Variants in NEBL observed in about 807,000 individuals in gnomAD.
NEBL encodes LIM and SH3 protein 2.
In NEBL, 122 loss-of-function variants were observed where a neutral mutation model predicts 140.2. The observed-to-expected ratio is 0.87, with a 90% CI of 0.75 to 1.01. The LOEUF is 1.01. Ranked by LOEUF, NEBL falls within the 50% of genes least tolerant of loss-of-function variation. NEBL has a pLI of 0.00. For missense variants in NEBL, 1,365 were observed against 1,231.3 expected, an observed-to-expected ratio of 1.11 and a Z score of -1.62; for synonymous variants, 436 against 398.9, an observed-to-expected ratio of 1.09 and a Z score of -1.11.
chr10:21,003,358 C>T (rs902007350), intron 3 of NEBL, among the ~76,000 whole-genome samples: 2 of 152,202 alleles, frequency 1.3e-5, no homozygotes, highest in Non-Finnish European at 2.9e-5. Context: ...TGTTTCTGTT[C>T]CATTGTCTCC....
At position 20,924,348 on chromosome 10, in the gene NEBL, A is replaced by G. The variant is rs1564445537; in HGVS notation, c.357+37324T>C. On this transcript the variant is annotated intron_variant, in intron 4 of 6. Coordinates refer to the NEBL transcript ENST00000417816. The stretch of plus-strand genomic sequence containing the variant: ...TACAGTACCTATCTGCTTTGTATCC[A>G]CACCTTAAGTTACCGATTTGACAGA... 2.1e-5 allele frequency among the ~76,000 whole-genome samples: 3 copies of G among 142,544 alleles called. No individual in the cohort carries two copies. The South Asian group carries it at 6.6e-4, about 31-fold the overall frequency. 93.5% of individuals were successfully genotyped at this position (142,544 alleles called of 152,430 possible). A position where few individuals can be genotyped will look rare whatever the true frequency, so the allele number is the denominator to read the frequency against.
At chr10:20,860,872 G>T (rs924181858) in intron 7 of NEBL, among the ~76,000 whole-genome samples, 1 of 151,990 alleles carries the variant, frequency 6.6e-6, no homozygotes, top group Admixed American at 6.6e-5. Flanking sequence ...CACATGTTTG[G>T]AACCTATTAG....
intron 3 of NEBL, among the ~76,000 whole-genome samples, chr10:21,226,946 C>T (rs1465861745): frequency 6.6e-6 from 1 of 152,058 alleles, no homozygotes; most frequent in Non-Finnish European, 1.5e-5. Flanking sequence ...GCCATCTTGT[C>T]CACCTCCCCA....
At chr10:20,852,493 TGGTTACGGGTTGCTGGCAGGGAG>T in intron 10 of NEBL, 29 bp downstream of exon 10, 1 of 1,251,022 alleles carries the variant, frequency 8.0e-7, no homozygotes, top group South Asian at 1.2e-5. Flanking sequence ...GGCCTCAGGA[TGGTTACGGGTTGCTGGCAGGGAG>T]GGTAGGTACC....
At chr10:20,894,307 G>A (rs779638295) in intron 2 of NEBL, among the ~76,000 whole-genome samples, 3 of 151,362 alleles carry the variant, frequency 2.0e-5, no homozygotes, top group East Asian at 2.0e-4. Context: ...CCATCTCTAC[G>A]AAAAAGAAAA....
At chr10:21,264,891 C>T (rs1044771302) in intron 1 of NEBL, among the ~76,000 whole-genome samples, 1 of 151,584 alleles carries the variant, frequency 6.6e-6, no homozygotes, top group Non-Finnish European at 1.5e-5. Context: ...CCTCACGTGA[C>T]AATAGGGGCA....
At chr10:20,831,108 A>T in intron 16 of NEBL, 88 bp downstream of exon 16, 1 of 984,224 alleles carries the variant, frequency 1.0e-6, no homozygotes, top group South Asian at 1.3e-5. Context: ...CAATGCCCTC[A>T]GAAAGATATC....
At chr10:20,791,588 T>C (rs113241460) in intron 26 of NEBL, among the ~76,000 whole-genome samples, 205 of 151,790 alleles carry the variant, frequency 1.4e-3, no homozygotes, top group South Asian at 3.6e-3. Context: ...ACAGACAGGA[T>C]CTTGCTACAT....
rs565598419 is a variant in NEBL at position 20,888,656 on chromosome 10, T to C, written c.259-449A>G. ...GGAGAGGGGAGTGAGTGCTTTTTTG[T>C]TGTTTATGTGCCTACCCACCTCTAG... On this transcript the variant is annotated intron_variant, in intron 3 of 27. Coordinates refer to ENST00000377122, the MANE Select transcript of NEBL (RefSeq NM_006393.3). Among the ~76,000 whole-genome samples, 10 of 152,302 alleles carry C rather than the reference T, an allele frequency of 6.6e-5. No individual in the cohort carries two copies. The East Asian group carries it at 1.2e-3, about 18-fold the overall frequency.
At chr10:21,203,568 C>T (rs75697035) in intron 3 of NEBL, among the ~76,000 whole-genome samples, 241 of 152,164 alleles carry the variant, frequency 1.6e-3, no homozygotes, top group African/African-American at 5.5e-3. Context: ...CTGGAATAGA[C>T]GAGTGGGGCC....
At chr10:20,923,682 A>G (rs1178314694) in intron 4 of NEBL, among the ~76,000 whole-genome samples, 1 of 148,184 alleles carries the variant, frequency 6.7e-6, no homozygotes, top group Non-Finnish European at 1.5e-5. Flanking sequence ...AAAAAAAAAA[A>G]AAAAAAAAAA....
intron 2 of NEBL, among the ~76,000 whole-genome samples, chr10:21,159,213 AC>A (rs1422081053): frequency 6.6e-6 from 1 of 152,004 alleles, no homozygotes; most frequent in Non-Finnish European, 1.5e-5. Flanking sequence ...CACTTGAGCC[AC>A]CTTTTTTTCT....
At chr10:20,866,911 C>T (rs1205015945) in intron 7 of NEBL, among the ~76,000 whole-genome samples, 1 of 151,994 alleles carries the variant, frequency 6.6e-6, no homozygotes, top group African/African-American at 2.4e-5. Context: ...TAATCTTTTT[C>T]ATTCATGGTA....
chr10:21,264,873 T>G (rs1842780603), intron 1 of NEBL, among the ~76,000 whole-genome samples: 1 of 151,944 alleles, frequency 6.6e-6, no homozygotes, highest in African/African-American at 2.4e-5. Context: ...GGTGCCTTCT[T>G]GCTGCATCCT....
At chr10:20,990,164 T>C (rs973140396) in intron 3 of NEBL, among the ~76,000 whole-genome samples, 2 of 152,342 alleles carry the variant, frequency 1.3e-5, no homozygotes, top group African/African-American at 2.4e-5. Flanking sequence ...ATGTGATTAA[T>C]TGTATTTAAT....
intron 5 of NEBL, among the ~76,000 whole-genome samples, chr10:20,875,121 C>A (rs893676155): frequency 2.0e-5 from 3 of 152,142 alleles, no homozygotes; most frequent in African/African-American, 7.2e-5. Context: ...CTCTGAATTT[C>A]TTTATCTCGC....
intron 2 of NEBL, among the ~76,000 whole-genome samples, chr10:21,144,513 G>A (rs1038551667): frequency 6.6e-6 from 1 of 152,168 alleles, no homozygotes. Context: ...ATCACCCAAA[G>A]TCAGGAGTTC....
intron 2 of NEBL, among the ~76,000 whole-genome samples, chr10:20,894,772 CA>C (rs1308077320): frequency 2.5e-5 from 3 of 118,004 alleles, no homozygotes; most frequent in Non-Finnish European, 3.7e-5. Context: ...AAAAAAAATA[CA>C]AAAAAATTAG....
At chr10:20,908,997 C>CT (rs951307941) in intron 4 of NEBL, among the ~76,000 whole-genome samples, 6 of 151,582 alleles carry the variant, frequency 4.0e-5, no homozygotes, top group Admixed American at 2.6e-4. Flanking sequence ...TTGTGGCACT[C>CT]TTTTTTTTAA....
Sources: gnomAD v4.1 joint callset for allele counts (sites outside exome capture counted in the v4.1 genomes callset) on GRCh38, gnomAD v4.1.1 for gene constraint, MANE v1.5 for transcripts, NCBI Gene and HGNC (gene_info 2026-07-23, HGNC 2026-07-21) for gene names.